The following POU6F2 variants were observed in gnomAD, a reference collection of about 807,000 sequenced individuals.
POU6F2 encodes POU domain, class 6, transcription factor 2.
A neutral mutation model predicts 71.3 loss-of-function variants in POU6F2; 31 were observed. That is an observed-to-expected ratio of 0.43 (90% CI 0.33 to 0.59). POU6F2 has a LOEUF of 0.59. POU6F2 is among the 20% of genes least tolerant of loss of function. The pLI, the probability that POU6F2 is intolerant of heterozygous loss-of-function variation, is 0.04. For synonymous variants in POU6F2, 347 were observed against 355.7 expected (o/e 0.98, Z 0.27); for missense variants, 783 against 856.8 (o/e 0.91, Z 1.07).
At chr7:39,379,936 C>A (rs1051762239) in intron 5 of POU6F2, among the ~76,000 whole-genome samples, 1 of 152,144 alleles carries the variant, frequency 6.6e-6, no homozygotes, top group Non-Finnish European at 1.5e-5. Flanking sequence ...ATAGATGAAT[C>A]GTTTTCTTTC....
At chr7:39,364,749 G>A (rs186096873) in intron 5 of POU6F2, among the ~76,000 whole-genome samples, 20 of 152,202 alleles carry the variant, frequency 1.3e-4, no homozygotes, top group African/African-American at 3.6e-4. Context: ...TATCTTTTCC[G>A]TGTAATGACT....
chr7:39,196,991 C>A (rs1375904654), intron 2 of POU6F2, among the ~76,000 whole-genome samples: 1 of 152,190 alleles, frequency 6.6e-6, no homozygotes, highest in East Asian at 1.9e-4. Context: ...AGCCCGGCAG[C>A]CCCCAGAACC....
intron 2 of POU6F2, among the ~76,000 whole-genome samples, chr7:39,141,954 G>A (rs116410122): frequency 0.012 from 1,828 of 152,122 alleles, 40 homozygotes; most frequent in African/African-American, 0.041. Context: ...AGGTGGGGTG[G>A]CCCACACCTG....
chr7:39,207,889 C>T (rs1219131717), intron 4 of POU6F2, among the ~76,000 whole-genome samples: 1 of 152,168 alleles, frequency 6.6e-6, no homozygotes, highest in Non-Finnish European at 1.5e-5. Flanking sequence ...GTCATCATTG[C>T]ATGACATATC....
At chr7:39,398,163 C>G (rs574578159) in intron 5 of POU6F2, among the ~76,000 whole-genome samples, 10 of 151,990 alleles carry the variant, frequency 6.6e-5, no homozygotes, top group Non-Finnish European at 1.2e-4. Flanking sequence ...CTCCTTCACT[C>G]GATAAACATT....
chr7:38,985,959 T>A (rs1160887733), intron 1 of POU6F2, among the ~76,000 whole-genome samples: 1 of 152,152 alleles, frequency 6.6e-6, no homozygotes, highest in Admixed American at 6.5e-5. Context: ...TTTTTTCATT[T>A]GTAAACAAAC....
At chr7:39,004,006 A>T (rs1245787474) in intron 1 of POU6F2, among the ~76,000 whole-genome samples, 1 of 152,200 alleles carries the variant, frequency 6.6e-6, no homozygotes, top group South Asian at 2.1e-4. Flanking sequence ...TTAACTTTTC[A>T]ATGAATAGAC....
At chr7:39,080,349 G>A (rs1410607263) in intron 1 of POU6F2, among the ~76,000 whole-genome samples, 4 of 151,878 alleles carry the variant, frequency 2.6e-5, no homozygotes, top group African/African-American at 7.3e-5. Context: ...ACCTACCAAC[G>A]CCTTGTTTCT....
chr7:39,225,593 C>T (rs1264876829), intron 4 of POU6F2, among the ~76,000 whole-genome samples: 1 of 152,192 alleles, frequency 6.6e-6, no homozygotes, highest in Admixed American at 6.5e-5. Context: ...TCACCCCCCA[C>T]CAAAGGGAAA....
intron 2 of POU6F2, among the ~76,000 whole-genome samples, chr7:39,203,813 T>G (rs1169164498): frequency 5.3e-5 from 8 of 152,072 alleles, no homozygotes; most frequent in Non-Finnish European, 1.2e-4. Context: ...AATAAGAACT[T>G]GGGAGTATGA....
chr7:39,131,771 G>A (rs533521912), intron 2 of POU6F2, among the ~76,000 whole-genome samples: 1 of 152,278 alleles, frequency 6.6e-6, no homozygotes, highest in South Asian at 2.1e-4. Context: ...CTGCACAGTG[G>A]AGAGGCTCCT....
At chr7:39,150,934 C>A (rs1185381040) in intron 2 of POU6F2, among the ~76,000 whole-genome samples, 1 of 151,718 alleles carries the variant, frequency 6.6e-6, no homozygotes, top group Admixed American at 6.6e-5. Flanking sequence ...TGTTGAGCGC[C>A]TTTATATGAG....
rs1369420741 is a variant in POU6F2, at chr7:39,464,204, T to G, written c.1681T>G (p.Phe561Val). The G allele has an allele frequency of 6.2e-7, 1 of 1,613,764 alleles. No homozygotes were observed. The highest frequency in any genetic ancestry group is 1.1e-5 in the South Asian group (1 of 91,078). The change falls in exon 10 of 10, where the codon TTT (phenylalanine) becomes GTT (valine). Residue 561 changes from phenylalanine to valine, a missense_variant. Transcript: ENST00000518318. This position sits in a 1 kb window ranked among gnomAD's most constrained non-coding sequence, Gnocchi z 4.1. ...ICRHTILRSH[F>V]FLPQEAQENT... is the part of the protein sequence containing the mutation. ...CAGACACACCATCCTGAGAAGCCACTTTTTCCTACCACAGGAAGCCCAAGA... is the reference window on the plus strand; with the variant it reads ...CAGACACACCATCCTGAGAAGCCACGTTTTCCTACCACAGGAAGCCCAAGA...
chr7:39,203,993 A>G (rs539556384), intron 2 of POU6F2, among the ~76,000 whole-genome samples: 5 of 152,232 alleles, frequency 3.3e-5, no homozygotes, highest in African/African-American at 9.6e-5. Context: ...CACACATACA[A>G]CACACTGGCA....
Position 39,464,136 on chromosome 7 carries a change from C to T in POU6F2, c.1659-46C>T. On this transcript the variant is annotated intron_variant, in intron 9 of 9. Transcript: ENST00000518318. This position sits in a 1 kb window ranked among gnomAD's most constrained non-coding sequence, Gnocchi z 4.1. The stretch of plus-strand genomic sequence containing the variant: ...CAGGCAGGCAGGAGGCCCACCCTGG[C>T]AGAGGACTCAGTGTAAGACTGTTCT... The T allele has an allele frequency of 6.4e-7, 1 of 1,572,866 alleles. No individual in the cohort carries two copies. The highest frequency in any genetic ancestry group is 8.6e-7 in the Non-Finnish European group (1 of 1,156,220).
chr7:39,021,913 A>G (rs1457436665), intron 1 of POU6F2, among the ~76,000 whole-genome samples: 1 of 152,092 alleles, frequency 6.6e-6, no homozygotes, highest in Non-Finnish European at 1.5e-5. Context: ...CCACAGTTTT[A>G]GCATTTTTCT....
intron 2 of POU6F2, among the ~76,000 whole-genome samples, chr7:39,093,818 CTG>C (rs1466785011): frequency 6.6e-6 from 1 of 152,080 alleles, no homozygotes; most frequent in African/African-American, 2.4e-5. Context: ...TTCTTAGGCA[CTG>C]TGAGTGCACA....
chr7:39,191,319 C>T (rs1793659556), intron 2 of POU6F2, among the ~76,000 whole-genome samples: 1 of 152,156 alleles, frequency 6.6e-6, no homozygotes, highest in Non-Finnish European at 1.5e-5. Flanking sequence ...TAAAATATGA[C>T]ATCTATTTTT....
chr7:39,419,984 C>T (rs886284460), intron 6 of POU6F2, among the ~76,000 whole-genome samples: 6 of 152,158 alleles, frequency 3.9e-5, no homozygotes, highest in African/African-American at 7.2e-5. Flanking sequence ...AAGGCAGGGC[C>T]ACAGAGATAT....
Sources: allele counts gnomAD v4.1 joint callset (sites outside exome capture counted in the v4.1 genomes callset), GRCh38; gene constraint gnomAD v4.1.1; non-coding constraint Gnocchi (gnomAD v3.1); transcripts MANE v1.5; gene names NCBI Gene and HGNC (gene_info 2026-07-23, HGNC 2026-07-21).